Variants in NTN1 observed in about 807,000 individuals in gnomAD.
NTN1 encodes the protein netrin-1.
In NTN1, 11 loss-of-function variants were observed where a neutral mutation model predicts 54.2. The observed-to-expected ratio is 0.20, with a 90% CI of 0.13 to 0.34. The LOEUF (loss-of-function observed/expected upper bound fraction) is 0.34. Among genes scored for constraint, NTN1 ranks in the 10% least tolerant of loss-of-function variants. NTN1 has a pLI of 1.00. For missense variants in NTN1, 740 were observed against 893.1 expected, an observed-to-expected ratio of 0.83 and a Z score of 2.18; for synonymous variants, 371 against 382.0, an observed-to-expected ratio of 0.97 and a Z score of 0.33.
intron 2 of NTN1, among the ~76,000 whole-genome samples, chr17:9,034,985 C>T (rs564762020): frequency 1.8e-4 from 28 of 152,104 alleles, no homozygotes; most frequent in African/African-American, 3.9e-4. Context: ...TTCGCTCTGT[C>T]GCCCAGGCTG....
chr17:9,229,805 A>C (rs563029596), intron 6 of NTN1, among the ~76,000 whole-genome samples: 1 of 152,276 alleles, frequency 6.6e-6, no homozygotes, highest in South Asian at 2.1e-4. Context: ...AAGACCCCTG[A>C]TGGTGAGGGG....
At chr17:9,106,605 C>G (rs2092167931) in intron 2 of NTN1, among the ~76,000 whole-genome samples, 2 of 151,972 alleles carry the variant, frequency 1.3e-5, no homozygotes, top group Admixed American at 6.6e-5. Context: ...CCTCCGCTTC[C>G]TGGGTTCAAG....
intron 2 of NTN1, among the ~76,000 whole-genome samples, chr17:9,124,796 GACGGC>G (rs1040182387): frequency 5.3e-5 from 8 of 152,198 alleles, no homozygotes; most frequent in African/African-American, 1.9e-4. Context: ...CCTGGGACAT[GACGGC>G]ATCGGTTTAC....
At chr17:9,017,554 A>G (rs780559887), upstream of NTN1, among the ~76,000 whole-genome samples, 6 of 152,190 alleles carry the variant, frequency 3.9e-5, no homozygotes, top group Non-Finnish European at 2.9e-5. Flanking sequence ...AGTTTTCTTG[A>G]AACTGCCGCA....
intron 2 of NTN1, among the ~76,000 whole-genome samples, chr17:9,110,185 G>A (rs528094230): frequency 3.3e-5 from 5 of 152,220 alleles, no homozygotes; most frequent in Admixed American, 6.5e-5. Flanking sequence ...GTGTGTATCC[G>A]TGAGAAAACT....
upstream of NTN1, among the ~76,000 whole-genome samples, chr17:9,016,595 T>C (rs775407827): frequency 4.3e-4 from 65 of 152,336 alleles, no homozygotes; most frequent in Admixed American, 2.7e-3. Context: ...TTAATTCAAG[T>C]TGAAATTGAA....
At chr17:9,190,531 TAG>T (rs1904423372) in intron 5 of NTN1, among the ~76,000 whole-genome samples, 1 of 152,198 alleles carries the variant, frequency 6.6e-6, no homozygotes, top group African/African-American at 2.4e-5. Flanking sequence ...GGTGTAGGAA[TAG>T]AGAGATCACT....
chr17:9,213,069 A>G (rs913009605), intron 5 of NTN1, among the ~76,000 whole-genome samples: 3 of 152,138 alleles, frequency 2.0e-5, no homozygotes, highest in African/African-American at 4.8e-5. Flanking sequence ...CCTGCAGGCC[A>G]CCTCTTGGCT....
rs2092096630 is a variant in NTN1 at position 9,088,385 on chromosome 17, G to A, written c.1018+64994G>A. Among the ~76,000 whole-genome samples the A allele has an allele frequency of 1.3e-5, 2 of 152,196 alleles. 1 individual carries two copies. The highest frequency in any genetic ancestry group is 4.1e-4 in the South Asian group (2 of 4,828). ...TGTGGCTTTATTACCAGCTCACTGG[G>A]TAGGGTTGGGCCAGTCCTTTCCCCT... On this transcript the variant is annotated intron_variant, in intron 2 of 6. Coordinates refer to ENST00000173229, the MANE Select transcript of NTN1 (RefSeq NM_004822.3).
chr17:9,020,705 C>T (rs770721063), upstream of NTN1, among the ~76,000 whole-genome samples: 4 of 152,192 alleles, frequency 2.6e-5, no homozygotes, highest in Non-Finnish European at 5.9e-5. Flanking sequence ...ACCGATACGC[C>T]TGCCTCAGGG....
At chr17:9,185,883 T>C (rs2092431791) in intron 5 of NTN1, among the ~76,000 whole-genome samples, 1 of 152,224 alleles carries the variant, frequency 6.6e-6, no homozygotes, top group African/African-American at 2.4e-5. Flanking sequence ...GGGTTTGCCC[T>C]GCACTGACTC....
intron 2 of NTN1, among the ~76,000 whole-genome samples, chr17:9,041,376 C>G (rs938599218): frequency 6.6e-6 from 1 of 152,188 alleles, no homozygotes; most frequent in Non-Finnish European, 1.5e-5. Context: ...CACCCACACC[C>G]TAAGTAGGCT....
upstream of NTN1, among the ~76,000 whole-genome samples, chr17:9,020,638 G>A (rs961256237): frequency 6.6e-6 from 1 of 152,204 alleles, no homozygotes; most frequent in Non-Finnish European, 1.5e-5. Context: ...AAGCTGCTGT[G>A]GAGGTCCCAT....
At chr17:9,106,023 A>G (rs868292337) in intron 2 of NTN1, among the ~76,000 whole-genome samples, 7 of 152,262 alleles carry the variant, frequency 4.6e-5, no homozygotes, top group Admixed American at 1.3e-4. Context: ...AGCGTCAACA[A>G]TATCGCCTGG....
chr17:9,032,885 A>G (rs2151510323), intron 2 of NTN1, among the ~76,000 whole-genome samples: 1 of 151,938 alleles, frequency 6.6e-6, no homozygotes, highest in Admixed American at 6.5e-5. Context: ...ATTCACGGTG[A>G]GAAAGTGCTT....
chr17:9,133,899 CT>C (rs71361867), intron 2 of NTN1, among the ~76,000 whole-genome samples: 316 of 85,458 alleles, frequency 3.7e-3, no homozygotes, highest in Non-Finnish European at 5.5e-3. Context: ...TGGGCCTAGC[CT>C]TTTTTTTTTT....
intron 5 of NTN1, among the ~76,000 whole-genome samples, chr17:9,186,412 A>G (rs2092432878): frequency 6.6e-6 from 1 of 152,182 alleles, no homozygotes; most frequent in Non-Finnish European, 1.5e-5. Context: ...TGGAAGCTGG[A>G]CCCAGGGCTC....
rs548469176 is a variant in NTN1, at chr17:9,024,787, T to A, written c.1018+1396T>A. On this transcript the variant is annotated intron_variant, in intron 2 of 6. Coordinates refer to ENST00000173229, the MANE Select transcript of NTN1 (RefSeq NM_004822.3). ...TGTCCCGCTCTTGCAGACATAATTG[T>A]TTGTCCCCTTTCTTTTAAGGATCAG... Among the ~76,000 whole-genome samples, 44 of 152,340 alleles carry A rather than the reference T, an allele frequency of 2.9e-4. No homozygotes were observed. The East Asian group carries it at 8.5e-3, about 29-fold the overall frequency.
intron 2 of NTN1, among the ~76,000 whole-genome samples, chr17:9,081,102 C>T (rs79079666): frequency 0.023 from 3,498 of 152,254 alleles, 57 homozygotes; most frequent in Middle Eastern, 0.058. Flanking sequence ...GTGCTGGGGG[C>T]AGTCTTATGC....
Sources: gnomAD v4.1 joint callset for allele counts (sites outside exome capture counted in the v4.1 genomes callset) on GRCh38, gnomAD v4.1.1 for gene constraint, MANE v1.5 for transcripts, NCBI Gene and HGNC (gene_info 2026-07-23, HGNC 2026-07-21) for gene names.